The following PPP1R9A variants were observed in gnomAD, a reference collection of about 807,000 sequenced individuals.
PPP1R9A encodes protein phosphatase 1 regulatory subunit 9A, also known as neurabin-1.
Under a neutral mutation model 141.9 loss-of-function variants are expected in PPP1R9A, and 59 were observed. The observed-to-expected ratio is 0.42, with a 90% CI of 0.34 to 0.52. PPP1R9A has a LOEUF of 0.52. Ranked by LOEUF, PPP1R9A falls within the 20% of genes least tolerant of loss-of-function variation. The probability of loss-of-function intolerance (pLI) is 0.10; values close to 1 mark genes in which losing one functional copy is unlikely to be tolerated. For missense variants in PPP1R9A, 1,444 were observed against 1,611.9 expected, an observed-to-expected ratio of 0.90 and a Z score of 1.78; for synonymous variants, 500 against 569.7, an observed-to-expected ratio of 0.88 and a Z score of 1.74.
At chr7:95,199,213 A>G (rs1465270622) in intron 6 of PPP1R9A, among the ~76,000 whole-genome samples, 3 of 152,192 alleles carry the variant, frequency 2.0e-5, no homozygotes, top group African/African-American at 7.2e-5. Flanking sequence ...ATGTACATTG[A>G]TATAATGGGA....
At chr7:95,262,539 C>G (rs1354679066) in intron 12 of PPP1R9A, among the ~76,000 whole-genome samples, 1 of 152,164 alleles carries the variant, frequency 6.6e-6, no homozygotes, top group Non-Finnish European at 1.5e-5. Flanking sequence ...CTGGTAGTCA[C>G]TGCCTTTCCA....
At chr7:94,979,702 G>A (rs1584485083) in intron 2 of PPP1R9A, among the ~76,000 whole-genome samples, 1 of 152,146 alleles carries the variant, frequency 6.6e-6, no homozygotes, top group African/African-American at 2.4e-5. Flanking sequence ...AAATTCTGTG[G>A]TGGCTTAGGT....
intron 2 of PPP1R9A, among the ~76,000 whole-genome samples, chr7:94,916,653 G>T (rs1186978096): frequency 6.6e-6 from 1 of 152,288 alleles, no homozygotes; most frequent in African/African-American, 2.4e-5. Context: ...TAAGTTTTTA[G>T]TTATAAAAAG....
chr7:95,161,738 A>G (rs1830490487), intron 4 of PPP1R9A, 129 bp from the exon 5 acceptor site: 1 of 605,706 alleles, frequency 1.7e-6, no homozygotes, highest in East Asian at 2.9e-5. Flanking sequence ...TGTATGTAAA[A>G]GATAGATTTT....
At chr7:95,140,144 T>A (rs1584911160) in intron 4 of PPP1R9A, among the ~76,000 whole-genome samples, 1 of 152,138 alleles carries the variant, frequency 6.6e-6, no homozygotes. Flanking sequence ...GCTCCATTCA[T>A]TTTTCCACTG....
chr7:94,983,549 C>T (rs2151351341), intron 2 of PPP1R9A, among the ~76,000 whole-genome samples: 1 of 152,118 alleles, frequency 6.6e-6, no homozygotes, highest in African/African-American at 2.4e-5. Context: ...CGTTCACATC[C>T]CTTGTAAGTT....
At chr7:95,041,322 G>T (rs1215753489) in intron 2 of PPP1R9A, among the ~76,000 whole-genome samples, 1 of 152,090 alleles carries the variant, frequency 6.6e-6, no homozygotes, top group Non-Finnish European at 1.5e-5. Flanking sequence ...CAGAAAAATA[G>T]GAGGAAAAAC....
chr7:95,075,277 C>G (rs1814666650), intron 2 of PPP1R9A, among the ~76,000 whole-genome samples: 1 of 152,104 alleles, frequency 6.6e-6, no homozygotes, highest in South Asian at 2.1e-4. Context: ...TAAAAAGATT[C>G]ACTAATCTGT....
At chr7:94,987,249 C>T (rs1177190418) in intron 2 of PPP1R9A, among the ~76,000 whole-genome samples, 1 of 152,088 alleles carries the variant, frequency 6.6e-6, no homozygotes, top group Non-Finnish European at 1.5e-5. Context: ...TAAAGTAATT[C>T]ATTCTGTTGT....
At chr7:95,071,298 A>G (rs947091075) in intron 2 of PPP1R9A, among the ~76,000 whole-genome samples, 1 of 152,020 alleles carries the variant, frequency 6.6e-6, no homozygotes, top group African/African-American at 2.4e-5. Flanking sequence ...TAGCAATGGG[A>G]CAGAAGTATT....
intron 4 of PPP1R9A, among the ~76,000 whole-genome samples, chr7:95,129,205 T>C (rs552295913): frequency 1.7e-4 from 26 of 152,246 alleles, no homozygotes; most frequent in African/African-American, 6.0e-4. Context: ...TCATCTTGAA[T>C]TGTAAGTCCC....
At chr7:95,133,001 T>A (rs1824939486) in intron 4 of PPP1R9A, among the ~76,000 whole-genome samples, 2 of 152,170 alleles carry the variant, frequency 1.3e-5, no homozygotes, top group South Asian at 4.1e-4. Flanking sequence ...TTCTGGGTTC[T>A]TGTGCCATGA....
chr7:95,118,045 A>G (rs559779559), intron 3 of PPP1R9A, among the ~76,000 whole-genome samples: 1 of 152,306 alleles, frequency 6.6e-6, no homozygotes, highest in South Asian at 2.1e-4. Context: ...GAGAAACCCT[A>G]TGAATGTGAC....
intron 2 of PPP1R9A, among the ~76,000 whole-genome samples, chr7:95,026,898 G>A (rs2097666): frequency 0.59 from 89,877 of 151,848 alleles, 27,404 homozygotes; most frequent in African/African-American, 0.71. Flanking sequence ...GGAAAACCAC[G>A]TACTCAAGCC....
chr7:95,204,769 C>G (rs558084371), intron 7 of PPP1R9A, among the ~76,000 whole-genome samples: 5 of 132,708 alleles, frequency 3.8e-5, no homozygotes, highest in Non-Finnish European at 8.0e-5. Context: ...CCCACAAACA[C>G]CACACACACA....
intron 2 of PPP1R9A, among the ~76,000 whole-genome samples, chr7:95,110,724 A>G (rs1169813510): frequency 6.6e-6 from 1 of 152,212 alleles, no homozygotes; most frequent in African/African-American, 2.4e-5. Flanking sequence ...TGAGAATTCA[A>G]TTTAAATGTA....
intron 4 of PPP1R9A, among the ~76,000 whole-genome samples, chr7:95,146,324 T>C (rs917192803): frequency 5.3e-5 from 8 of 152,242 alleles, no homozygotes; most frequent in African/African-American, 1.9e-4. Flanking sequence ...GTTCATATCC[T>C]TTGCCCACTT....
In PPP1R9A at chr7:95,202,963, G is replaced by A. The variant is rs139819739; in HGVS notation, c.1891-702G>A. ...TCCTTAAATATTCTTTTAAGATATAGTATTTGTTACATTGTAAAGTCTTAG... is the reference window on the plus strand; with the variant it reads ...TCCTTAAATATTCTTTTAAGATATAATATTTGTTACATTGTAAAGTCTTAG... On this transcript the variant is annotated intron_variant, in intron 6 of 19. Coordinates refer to ENST00000433360, the MANE Select transcript of PPP1R9A (RefSeq NM_001166160.2). Among the ~76,000 whole-genome samples, 1,349 of 151,972 alleles carry A rather than the reference G, an allele frequency of 8.9e-3. 19 individuals are homozygous for A. The highest frequency in any genetic ancestry group is 0.03 in the African/African-American group (1,244 of 41,520).
At chr7:95,193,011 A>G (rs1835734205) in intron 5 of PPP1R9A, among the ~76,000 whole-genome samples, 1 of 152,064 alleles carries the variant, frequency 6.6e-6, no homozygotes, top group African/African-American at 2.4e-5. Flanking sequence ...AGTGCATTCA[A>G]ATTCTTTCAT....
Sources: gnomAD v4.1 joint callset for allele counts (sites outside exome capture counted in the v4.1 genomes callset) on GRCh38, gnomAD v4.1.1 for gene constraint, MANE v1.5 for transcripts, NCBI Gene and HGNC (gene_info 2026-07-23, HGNC 2026-07-21) for gene names.